KCTD16: variants seen among roughly 807,000 people sequenced by gnomAD.
KCTD16 encodes BTB/POZ domain-containing protein KCTD16.
A neutral mutation model predicts 33.2 loss-of-function variants in KCTD16; 13 were observed. The ratio of observed to expected loss-of-function variants is 0.39; its 90% CI spans 0.25 to 0.62. KCTD16 has a LOEUF of 0.62. KCTD16 is among the 20% of genes least tolerant of loss of function. The pLI is 0.50. For missense variants in KCTD16, 441 were observed against 525.1 expected (o/e 0.84, Z 1.57); for synonymous variants, 197 against 195.3 (o/e 1.01, Z -0.07).
At chr5:144,174,976 G>C (rs1752469528) in intron 2 of KCTD16, among the ~76,000 whole-genome samples, 1 of 152,200 alleles carries the variant, frequency 6.6e-6, no homozygotes, top group African/African-American at 2.4e-5. Flanking sequence ...ACTGAAGTCT[G>C]TATTTCAAAT....
intron 3 of KCTD16, among the ~76,000 whole-genome samples, chr5:144,360,782 AT>A (rs1031428928): frequency 6.6e-6 from 1 of 151,772 alleles, no homozygotes; most frequent in Non-Finnish European, 1.5e-5. Flanking sequence ...TATGTGCCAC[AT>A]TTTTTTATTC....
chr5:144,181,065 T>G (rs565288050), intron 2 of KCTD16, among the ~76,000 whole-genome samples: 1 of 152,154 alleles, frequency 6.6e-6, no homozygotes, highest in African/African-American at 2.4e-5. Context: ...CCCGAGTAGC[T>G]GGGACTACAG....
At chr5:144,308,130 G>A (rs1008139114) in intron 3 of KCTD16, among the ~76,000 whole-genome samples, 2 of 152,184 alleles carry the variant, frequency 1.3e-5, no homozygotes, top group Non-Finnish European at 2.9e-5. Context: ...TACCAGGGCA[G>A]CCTTATTAAT....
Position 144,480,918 on chromosome 5 carries a change from A to C in KCTD16, c.*6804A>C, listed in dbSNP as rs965968755. On this transcript the variant is annotated 3_prime_UTR_variant, in exon 4 of 4. Coordinates refer to ENST00000512467, the MANE Select transcript of KCTD16 (RefSeq NM_020768.4). ...TCAATAAATAGGATAAAATAGAAAA[A>C]TAAAAATCGGAACCAGTTTAAATGT... 1 of 152,006 alleles carries C rather than the reference A, an allele frequency of 6.6e-6. No homozygotes were observed. The highest frequency in any genetic ancestry group is 2.4e-5 in the African/African-American group (1 of 41,418). 9.4% of individuals were successfully genotyped at this position (152,006 alleles called of 1,614,324 possible). A position where few individuals can be genotyped will look rare whatever the true frequency, so the allele number is the denominator to read the frequency against.
chr5:144,279,305 C>T lies in KCTD16; in HGVS notation c.832+71759C>T, dbSNP rs547563214. 7.2e-4 allele frequency among the ~76,000 whole-genome samples: 109 copies of T among 151,774 alleles called. 1 individual carries two copies. Among genetic ancestry groups the T allele is most frequent in the African/African-American group, 2.3e-3 (95 of 41,388 alleles). ...GTGCATTTTTTTTTATTTTTTGTAC[C>T]AATCGCAATGACCAGGAATTCAATT... On this transcript the variant is annotated intron_variant, in intron 3 of 3. Coordinates refer to ENST00000512467, the MANE Select transcript of KCTD16 (RefSeq NM_020768.4).
At chr5:144,266,972 C>A (rs537762591) in intron 3 of KCTD16, among the ~76,000 whole-genome samples, 2 of 152,088 alleles carry the variant, frequency 1.3e-5, no homozygotes, top group Non-Finnish European at 2.9e-5. Flanking sequence ...AAAGTAATTG[C>A]GATTTTTGCT....
chr5:144,222,212 T>A (rs1247284813), intron 3 of KCTD16, among the ~76,000 whole-genome samples: 1 of 152,218 alleles, frequency 6.6e-6, no homozygotes, highest in Non-Finnish European at 1.5e-5. Context: ...ATTCTGTAGG[T>A]TGCCAGTTCT....
At chr5:144,429,907 A>T (rs181633606) in intron 3 of KCTD16, among the ~76,000 whole-genome samples, 3 of 152,258 alleles carry the variant, frequency 2.0e-5, no homozygotes, top group African/African-American at 7.2e-5. Context: ...AGGTGAAAAA[A>T]AATTGAAAAG....
chr5:144,230,675 T>C (rs1754075558), intron 3 of KCTD16, among the ~76,000 whole-genome samples: 1 of 152,042 alleles, frequency 6.6e-6, no homozygotes, highest in African/African-American at 2.4e-5. Context: ...AGCAAGACCA[T>C]ATTTATACAT....
At chr5:144,360,264 C>A (rs868404498) in intron 3 of KCTD16, among the ~76,000 whole-genome samples, 2 of 152,064 alleles carry the variant, frequency 1.3e-5, no homozygotes, top group African/African-American at 2.4e-5. Context: ...TCCTACCCCC[C>A]AAGAGGCCCC....
At chr5:144,287,598 G>T (rs956180441) in intron 3 of KCTD16, among the ~76,000 whole-genome samples, 2 of 152,038 alleles carry the variant, frequency 1.3e-5, no homozygotes, top group Non-Finnish European at 2.9e-5. Flanking sequence ...AACTCCCAAG[G>T]TAATACCTGA....
At chr5:144,457,380 T>C (rs1222667340) in intron 3 of KCTD16, among the ~76,000 whole-genome samples, 2 of 152,148 alleles carry the variant, frequency 1.3e-5, no homozygotes, top group Non-Finnish European at 2.9e-5. Flanking sequence ...CTAGGGGCAC[T>C]GGAGTTAGGA....
chr5:144,448,349 A>G (rs1753867504), intron 3 of KCTD16, among the ~76,000 whole-genome samples: 1 of 152,040 alleles, frequency 6.6e-6, no homozygotes, highest in Non-Finnish European at 1.5e-5. Context: ...CCAGTGTTGA[A>G]CCCTAACTGT....
intron 3 of KCTD16, among the ~76,000 whole-genome samples, chr5:144,326,731 G>C (rs1752217245): frequency 6.7e-6 from 1 of 148,472 alleles, no homozygotes; most frequent in Non-Finnish European, 1.5e-5. Flanking sequence ...AAGAAAGAAA[G>C]AAAAATCCAG....
At chr5:144,369,629 T>C (rs768820698) in intron 3 of KCTD16, among the ~76,000 whole-genome samples, 15 of 152,198 alleles carry the variant, frequency 9.9e-5, no homozygotes, top group Non-Finnish European at 1.6e-4. Context: ...ACCTTCATCA[T>C]TGATCTCTTG....
intron 3 of KCTD16, among the ~76,000 whole-genome samples, chr5:144,299,044 C>CTATATATA (rs10589565): frequency 2.4e-3 from 86 of 35,954 alleles, no homozygotes; most frequent in Middle Eastern, 0.023. Flanking sequence ...AAACAGATCA[C>CTATATATA]TATATATATA....
chr5:144,355,976 C>A (rs1219093389), intron 3 of KCTD16, among the ~76,000 whole-genome samples: 5 of 152,040 alleles, frequency 3.3e-5, no homozygotes, highest in Admixed American at 3.3e-4. Flanking sequence ...AAATTTTAGC[C>A]CTTGTTGACC....
At chr5:144,353,329 A>G (rs1455139993) in intron 3 of KCTD16, among the ~76,000 whole-genome samples, 1 of 152,102 alleles carries the variant, frequency 6.6e-6, no homozygotes, top group Non-Finnish European at 1.5e-5. Flanking sequence ...CATTTATACT[A>G]TTTCTCTGAT....
In KCTD16 at chr5:144,479,573, GT is replaced by G. The variant is rs1754664866; in HGVS notation, c.*5462del. ...ATATTGCCAAAGGAAAGTGAAGGAT[GT>G]TTAATGAAACTGATGAACATGAGCA... On this transcript the variant is annotated 3_prime_UTR_variant, in exon 4 of 4. Transcript: ENST00000512467. 6.6e-6 allele frequency: 1 copy of G among 151,814 alleles called. No homozygotes were observed. Among genetic ancestry groups the G allele is most frequent in the African/African-American group, 2.4e-5 (1 of 41,396 alleles). The allele number at this position is 151,814 out of a possible 1,614,324, so 9.4% of individuals were successfully genotyped here.
Sources: gnomAD v4.1 joint callset for allele counts (sites outside exome capture counted in the v4.1 genomes callset) on GRCh38, gnomAD v4.1.1 for gene constraint, MANE v1.5 for transcripts, NCBI Gene and HGNC (gene_info 2026-07-23, HGNC 2026-07-21) for gene names.